PCDHA12: variants seen among roughly 807,000 people sequenced by gnomAD.
PCDHA12 encodes the protein protocadherin alpha 12, also known as protocadherin alpha-12.
PCDHA12 carries 44 observed loss-of-function variants against 60.0 expected under a neutral mutation model. The observed-to-expected ratio is 0.73, with a 90% CI of 0.58 to 0.94. PCDHA12 has a LOEUF of 0.94. Among genes scored for constraint, PCDHA12 ranks in the 40% least tolerant of loss-of-function variants. PCDHA12 has a pLI of 0.00. For synonymous variants in PCDHA12, 569 were observed against 553.0 expected (o/e 1.03, Z -0.40); for missense variants, 1,276 against 1,239.7 (o/e 1.03, Z -0.44).
intron 1 of PCDHA12, among the ~76,000 whole-genome samples, chr5:140,950,457 A>C (rs1392302571): frequency 6.6e-6 from 1 of 152,048 alleles, no homozygotes; most frequent in Non-Finnish European, 1.5e-5. Flanking sequence ...ACTGTCTTCT[A>C]ATGCTCATAG....
rs1291498310 is a variant in PCDHA12, at chr5:140,946,680, G to A, written c.2368-32269G>A. Among the ~76,000 whole-genome samples, 6 of 145,092 alleles carry A rather than the reference G, an allele frequency of 4.1e-5. No homozygotes were observed. In the East Asian group the frequency reaches 9.9e-4, roughly 24 times the overall value. On this transcript the variant is annotated intron_variant, in intron 1 of 3. Coordinates refer to ENST00000398631, the MANE Select transcript of PCDHA12 (RefSeq NM_018903.4). ...TAGAAAGAATGAAATCCTGTCATTCGTGACAATATGGATGAATCTGGAGGT... is the reference window on the plus strand; with the variant it reads ...TAGAAAGAATGAAATCCTGTCATTCATGACAATATGGATGAATCTGGAGGT...
chr5:140,887,153 G>C (rs950456487), intron 1 of PCDHA12, among the ~76,000 whole-genome samples: 1 of 151,288 alleles, frequency 6.6e-6, no homozygotes, highest in South Asian at 2.1e-4. Flanking sequence ...CTGGAGTACA[G>C]TGGCGTGATC....
intron 1 of PCDHA12, chr5:140,884,214 T>G: frequency 6.2e-7 from 1 of 1,613,446 alleles, no homozygotes; most frequent in African/African-American, 1.3e-5. Context: ...CGCCTTCTGG[T>G]GCTGGTGAAG....
At position 140,950,404 on chromosome 5, in the gene PCDHA12, T is replaced by C. The variant is rs947428237; in HGVS notation, c.2368-28545T>C. ...TTGAATGATATAGAATTCTGGGGGATTGACAGATTTTATTTTCTTCCACTT... is the reference window on the plus strand; with the variant it reads ...TTGAATGATATAGAATTCTGGGGGACTGACAGATTTTATTTTCTTCCACTT... On this transcript the variant is annotated intron_variant, in intron 1 of 3. Coordinates refer to ENST00000398631, the MANE Select transcript of PCDHA12 (RefSeq NM_018903.4). 2.0e-5 allele frequency among the ~76,000 whole-genome samples: 3 copies of C among 152,044 alleles called. 1 individual carries two copies. Among genetic ancestry groups the C allele is most frequent in the East Asian group, 1.9e-4 (1 of 5,204 alleles).
At chr5:140,929,404 G>T (rs530409256) in intron 1 of PCDHA12, 1 of 1,506,596 alleles carries the variant, frequency 6.6e-7, no homozygotes, top group South Asian at 1.4e-5. Flanking sequence ...TCTTAGACAA[G>T]CCTTTCACAA....
chr5:140,879,101 A>G (rs2153365508), intron 1 of PCDHA12, among the ~76,000 whole-genome samples: 1 of 152,330 alleles, frequency 6.6e-6, no homozygotes, highest in East Asian at 1.9e-4. Context: ...TGCACAGTAT[A>G]TGGTGTAATT....
chr5:140,957,333 A>T (rs2095351211), intron 1 of PCDHA12, among the ~76,000 whole-genome samples: 1 of 152,164 alleles, frequency 6.6e-6, no homozygotes, highest in African/African-American at 2.4e-5. Context: ...GTACAGTAAG[A>T]TATTTTGAGA....
intron 3 of PCDHA12, among the ~76,000 whole-genome samples, chr5:141,000,421 A>ATATT (rs1265241806): frequency 1.1e-4 from 3 of 27,978 alleles, no homozygotes; most frequent in Non-Finnish European, 1.7e-4. Flanking sequence ...ATATATATAT[A>ATATT]TTTTTTTTTT....
chr5:140,892,813 T>C (rs1335475161), intron 1 of PCDHA12, among the ~76,000 whole-genome samples: 1 of 152,228 alleles, frequency 6.6e-6, no homozygotes, highest in Non-Finnish European at 1.5e-5. Context: ...ACCATATTTA[T>C]CCTACAGTGC....
At chr5:140,921,663 T>G (rs1427342485) in intron 1 of PCDHA12, among the ~76,000 whole-genome samples, 1 of 152,144 alleles carries the variant, frequency 6.6e-6, no homozygotes, top group Admixed American at 6.5e-5. Flanking sequence ...TAATAAAAAT[T>G]TAACAGTTAT....
chr5:140,878,790 CTT>C (rs2057728380), intron 1 of PCDHA12, among the ~76,000 whole-genome samples: 1 of 152,154 alleles, frequency 6.6e-6, no homozygotes. Context: ...TGTTCAATCA[CTT>C]TTTAAAAACA....
chr5:140,993,363 C>T (rs925225156), intron 3 of PCDHA12, among the ~76,000 whole-genome samples: 1 of 151,918 alleles, frequency 6.6e-6, no homozygotes, highest in Non-Finnish European at 1.5e-5. Context: ...CTCACAAAAA[C>T]TACCTCCCAG....
rs1554169776 is a variant in PCDHA12, at chr5:140,877,467, G to C, written c.1995G>C (p.Val665=). Residue 665 remains valine, a synonymous_variant, in exon 1 of 4, where the codon GTG becomes GTC. Coordinates refer to ENST00000398631, the MANE Select transcript of PCDHA12 (RefSeq NM_018903.4). ...GEPALTSTAT[V]LVSLVENGQA... is the part of the protein sequence containing the mutation. ...CCGCGCTGACGTCCACGGCCACGGT[G>C]CTGGTGTCGCTGGTGGAGAACGGCC... 1.9e-6 allele frequency: 3 copies of C among 1,613,752 alleles called. No homozygotes were observed. Among genetic ancestry groups the C allele is most frequent in the African/African-American group, 2.7e-5 (2 of 74,932 alleles).
chr5:140,907,009 C>A (rs2193983), intron 1 of PCDHA12, among the ~76,000 whole-genome samples: 26,809 of 152,052 alleles, frequency 0.18, 2,652 homozygotes, highest in African/African-American at 0.27. Flanking sequence ...GGAACTAAGA[C>A]CTCTAGGCCA....
In PCDHA12 at chr5:140,876,792, A is replaced by G. The variant is rs782210017; in HGVS notation, c.1320A>G (p.Arg440=). The change falls in exon 1 of 4, where the codon AGA becomes AGG. Residue 440 remains arginine (R), a synonymous_variant. Transcript: ENST00000398631. ...GGSPSLWATA[R]VSVEVADVND... ...CGCCTTCGCTGTGGGCCACGGCTAGAGTGTCCGTGGAGGTGGCCGACGTGA... is the reference window on the plus strand; with the variant it reads ...CGCCTTCGCTGTGGGCCACGGCTAGGGTGTCCGTGGAGGTGGCCGACGTGA... 98 of 1,613,998 alleles carry G rather than the reference A, an allele frequency of 6.1e-5. No homozygotes were observed. Among genetic ancestry groups the G allele is most frequent in the Non-Finnish European group, 7.5e-5 (88 of 1,180,042 alleles).
chr5:140,903,818 T>A (rs1554191152), intron 1 of PCDHA12, among the ~76,000 whole-genome samples: 1 of 152,202 alleles, frequency 6.6e-6, no homozygotes. Context: ...AGTTCTCACA[T>A]GAATGTCTGT....
chr5:140,929,409 T>C, intron 1 of PCDHA12: 11 of 1,506,206 alleles, frequency 7.3e-6, no homozygotes, highest in Non-Finnish European at 9.8e-6. Context: ...GACAAGCCTT[T>C]CACAACATTT....
intron 3 of PCDHA12, among the ~76,000 whole-genome samples, chr5:140,988,428 G>A (rs1186229744): frequency 6.6e-6 from 1 of 152,160 alleles, no homozygotes; most frequent in Non-Finnish European, 1.5e-5. Context: ...GAATTTGTTT[G>A]TTTTGGATTG....
chr5:140,883,369 C>A (rs781885590), intron 1 of PCDHA12: 4 of 1,614,064 alleles, frequency 2.5e-6, no homozygotes, highest in Non-Finnish European at 1.7e-6. Context: ...AGCCTAGCGC[C>A]ATTATTGCCC....
Sources: gnomAD v4.1 joint callset for allele counts (sites outside exome capture counted in the v4.1 genomes callset) on GRCh38, gnomAD v4.1.1 for gene constraint, MANE v1.5 for transcripts, NCBI Gene and HGNC (gene_info 2026-07-23, HGNC 2026-07-21) for gene names.